SGCD: variants seen among roughly 807,000 people sequenced by gnomAD.
SGCD encodes delta-sarcoglycan.
SGCD carries 18 observed loss-of-function variants against 36.6 expected under a neutral mutation model. That is an observed-to-expected ratio of 0.49 (90% CI 0.34 to 0.73). SGCD has a LOEUF of 0.73. Ranked by LOEUF, SGCD falls within the 30% of genes least tolerant of loss-of-function variation. The probability of loss-of-function intolerance (pLI) is 0.01; values close to 1 mark genes in which losing one functional copy is unlikely to be tolerated. For missense variants in SGCD, 387 were observed against 346.7 expected, an observed-to-expected ratio of 1.12 and a Z score of -0.92; for synonymous variants, 133 against 130.6, an observed-to-expected ratio of 1.02 and a Z score of -0.12.
chr5:156,691,558 C>G (rs1754112559), intron 7 of SGCD, among the ~76,000 whole-genome samples: 1 of 152,120 alleles, frequency 6.6e-6, no homozygotes, highest in African/African-American at 2.4e-5. Context: ...ACAGAAAATA[C>G]CTAAAAAAGT....
chr5:156,528,542 T>C (rs569585339), intron 4 of SGCD, among the ~76,000 whole-genome samples: 1 of 152,184 alleles, frequency 6.6e-6, no homozygotes, highest in African/African-American at 2.4e-5. Flanking sequence ...GACAAACATC[T>C]CTTCAAAAGG....
chr5:156,030,807 AT>A (rs1398631296), intron 1 of SGCD, among the ~76,000 whole-genome samples: 1 of 152,244 alleles, frequency 6.6e-6, no homozygotes, highest in Non-Finnish European at 1.5e-5. Context: ...AAGAAATTAC[AT>A]GTAGCTTTAG....
chr5:156,615,615 A>C (rs1033082968), intron 6 of SGCD, among the ~76,000 whole-genome samples: 2 of 152,160 alleles, frequency 1.3e-5, no homozygotes, highest in African/African-American at 4.8e-5. Flanking sequence ...TTAAATGTGT[A>C]TGTCTGTCAT....
At chr5:156,606,361 T>A (rs192112737) in intron 6 of SGCD, among the ~76,000 whole-genome samples, 1 of 152,186 alleles carries the variant, frequency 6.6e-6, no homozygotes, top group Admixed American at 6.5e-5. Flanking sequence ...GTTGTAGATA[T>A]GTGGCATTAT....
At chr5:156,672,900 T>A (rs1753355518) in intron 7 of SGCD, among the ~76,000 whole-genome samples, 1 of 152,196 alleles carries the variant, frequency 6.6e-6, no homozygotes, top group Non-Finnish European at 1.5e-5. Context: ...TCTCTACATT[T>A]TTCTAGATAA....
At chr5:156,119,579 C>T in intron 2 of SGCD, among the ~76,000 whole-genome samples, 1 of 152,008 alleles carries the variant, frequency 6.6e-6, no homozygotes, top group Admixed American at 6.6e-5. Flanking sequence ...AATCTGTTGG[C>T]ATAGTTTTAA....
At chr5:156,550,910 T>C (rs1348095123) in intron 4 of SGCD, among the ~76,000 whole-genome samples, 1 of 152,260 alleles carries the variant, frequency 6.6e-6, no homozygotes, top group Non-Finnish European at 1.5e-5. Context: ...TTTGTTTTTC[T>C]GCCTTCGTAG....
the SGCD span, among the ~76,000 whole-genome samples, chr5:155,765,139 C>T: frequency 2.0e-5 from 3 of 151,680 alleles, no homozygotes; most frequent in Middle Eastern, 3.2e-3. Flanking sequence ...GATTAGCAAG[C>T]ATGGTGGCAT....
chr5:156,562,725 G>A (rs190095286), intron 4 of SGCD, among the ~76,000 whole-genome samples: 2 of 152,080 alleles, frequency 1.3e-5, no homozygotes, highest in African/African-American at 4.8e-5. Flanking sequence ...GGTAACAGGC[G>A]ATGGTGGTCT....
intron 6 of SGCD, among the ~76,000 whole-genome samples, chr5:156,625,671 C>T (rs1762413153): frequency 6.6e-6 from 1 of 152,198 alleles, no homozygotes; most frequent in Non-Finnish European, 1.5e-5. Context: ...AGGTGAGGCT[C>T]CCTGTCCTAA....
At chr5:155,737,118 T>G in the SGCD span, among the ~76,000 whole-genome samples, 71 of 152,334 alleles carry the variant, frequency 4.7e-4, no homozygotes, top group East Asian at 0.013. Flanking sequence ...TTCCTTATTT[T>G]CAAACTTTAC....
At chr5:156,310,515 C>T (rs1767364350) in intron 3 of SGCD, among the ~76,000 whole-genome samples, 1 of 152,162 alleles carries the variant, frequency 6.6e-6, no homozygotes, top group Non-Finnish European at 1.5e-5. Flanking sequence ...GTGTTAAGAG[C>T]TGAAATTGAC....
intron 3 of SGCD, among the ~76,000 whole-genome samples, chr5:156,446,722 C>G (rs1050541227): frequency 2.0e-5 from 3 of 152,056 alleles, no homozygotes; most frequent in African/African-American, 4.8e-5. Context: ...AATTGTTATG[C>G]AAATTACCCT....
At chr5:156,377,536 G>A (rs923717691) in intron 3 of SGCD, among the ~76,000 whole-genome samples, 8 of 152,120 alleles carry the variant, frequency 5.3e-5, no homozygotes, top group Admixed American at 6.5e-5. Context: ...AATTGTTTCT[G>A]TCTTGGTCAC....
chr5:156,301,387 A>T (rs1376349357), intron 3 of SGCD, among the ~76,000 whole-genome samples: 3 of 152,040 alleles, frequency 2.0e-5, no homozygotes, highest in Non-Finnish European at 4.4e-5. Context: ...ACTAGTAAAA[A>T]CTTTATGCTT....
rs114487289 is a variant in SGCD, at chr5:156,712,046, A to G, written c.576-45535A>G. Among the ~76,000 whole-genome samples, 334 of 152,290 alleles carry G rather than the reference A, an allele frequency of 2.2e-3. 2 individuals are homozygous for G. The highest frequency in any genetic ancestry group is 7.6e-3 in the African/African-American group (316 of 41,568). ...TGGTGGGAGTGTAGCAGTGATGCCA[A>G]CCAGAGGTCACTTTCCTTGCCATCT... On this transcript the variant is annotated intron_variant, in intron 7 of 8. Coordinates refer to ENST00000337851, the MANE Select transcript of SGCD (RefSeq NM_000337.6).
chr5:155,898,560 A>G (rs192634148), intron 1 of SGCD, among the ~76,000 whole-genome samples: 4 of 152,288 alleles, frequency 2.6e-5, no homozygotes, highest in Admixed American at 2.6e-4. Flanking sequence ...AGGAATATCC[A>G]TTAGATGCTT....
At chr5:155,933,106 AT>A (rs1414877619) in intron 1 of SGCD, among the ~76,000 whole-genome samples, 6 of 152,164 alleles carry the variant, frequency 3.9e-5, no homozygotes, top group Non-Finnish European at 8.8e-5. Flanking sequence ...TTCCTATGTC[AT>A]CTGGCCTTGG....
At chr5:156,018,611 T>C (rs1017825724) in intron 1 of SGCD, among the ~76,000 whole-genome samples, 9 of 152,214 alleles carry the variant, frequency 5.9e-5, no homozygotes, top group African/African-American at 2.2e-4. Flanking sequence ...TATCCATCTC[T>C]GCATCATCCC....
Sources: allele counts gnomAD v4.1 joint callset (sites outside exome capture counted in the v4.1 genomes callset), GRCh38; gene constraint gnomAD v4.1.1; transcripts MANE v1.5; gene names NCBI Gene and HGNC (gene_info 2026-07-23, HGNC 2026-07-21).